The following BBS9 variants were observed in gnomAD, a reference collection of about 807,000 sequenced individuals.
BBS9 encodes protein PTHB1.
BBS9 carries 89 observed loss-of-function variants against 117.7 expected under a neutral mutation model. The ratio of observed to expected loss-of-function variants is 0.76; its 90% CI spans 0.64 to 0.90. BBS9 has a LOEUF of 0.90. Ranked by LOEUF, BBS9 falls within the 40% of genes least tolerant of loss-of-function variation. BBS9 has a pLI of 0.00. For missense variants in BBS9, 982 were observed against 1,042.2 expected, an observed-to-expected ratio of 0.94 and a Z score of 0.80; for synonymous variants, 379 against 370.9, an observed-to-expected ratio of 1.02 and a Z score of -0.25.
intron 20 of BBS9, among the ~76,000 whole-genome samples, chr7:33,513,053 G>T (rs943612888): frequency 1.3e-5 from 2 of 152,134 alleles, no homozygotes; most frequent in African/African-American, 4.8e-5. Context: ...TTGAACTCCA[G>T]TGCCAGGCAT....
intron 5 of BBS9, among the ~76,000 whole-genome samples, chr7:33,222,982 T>C (rs1161796723): frequency 6.6e-6 from 1 of 151,356 alleles, no homozygotes; most frequent in African/African-American, 2.4e-5. Context: ...TAAAAATTCC[T>C]AGTGGCTCCC....
chr7:33,489,524 G>A (rs1157943485), intron 19 of BBS9, among the ~76,000 whole-genome samples: 1 of 151,910 alleles, frequency 6.6e-6, no homozygotes, highest in Non-Finnish European at 1.5e-5. Flanking sequence ...TAAACTAAGA[G>A]GAGACTGCTC....
At chr7:33,325,533 C>T (rs1006296685) in intron 9 of BBS9, among the ~76,000 whole-genome samples, 14 of 152,112 alleles carry the variant, frequency 9.2e-5, no homozygotes, top group Non-Finnish European at 1.5e-4. Context: ...AGCCTGGGTG[C>T]TTGTGGATAT....
At chr7:33,243,593 C>T (rs1794880349) in intron 5 of BBS9, among the ~76,000 whole-genome samples, 1 of 152,122 alleles carries the variant, frequency 6.6e-6, no homozygotes, top group South Asian at 2.1e-4. Flanking sequence ...TGTCTGTTTC[C>T]TCACCTAGGC....
At chr7:33,380,560 C>T (rs1242138819) in intron 17 of BBS9, 1 of 152,298 alleles carries the variant, frequency 6.6e-6, no homozygotes, top group African/African-American at 2.4e-5. Flanking sequence ...ATGGGGGACA[C>T]CACACTCACT....
chr7:33,256,822 C>T (rs942788490), intron 5 of BBS9, among the ~76,000 whole-genome samples: 6 of 152,086 alleles, frequency 3.9e-5, no homozygotes, highest in African/African-American at 1.2e-4. Flanking sequence ...ACACTAATCA[C>T]ACTAGCAGGA....
At chr7:33,286,666 A>T (rs1364151515) in intron 9 of BBS9, among the ~76,000 whole-genome samples, 1 of 152,094 alleles carries the variant, frequency 6.6e-6, no homozygotes, top group Non-Finnish European at 1.5e-5. Context: ...TATAAAAGAG[A>T]AAAAGTGATT....
At chr7:33,587,328 A>G (rs1055938677) in intron 21 of BBS9, among the ~76,000 whole-genome samples, 1 of 152,062 alleles carries the variant, frequency 6.6e-6, no homozygotes, top group Non-Finnish European at 1.5e-5. Flanking sequence ...GTGTTTCCAC[A>G]GAGCTGCTTC....
chr7:33,563,124 G>T (rs1856341249), intron 21 of BBS9, among the ~76,000 whole-genome samples: 1 of 152,132 alleles, frequency 6.6e-6, no homozygotes, highest in Non-Finnish European at 1.5e-5. Flanking sequence ...TAAATCAGAA[G>T]TACTGTCAAA....
chr7:33,153,485 C>T (rs1190114484), intron 3 of BBS9, among the ~76,000 whole-genome samples: 1 of 152,196 alleles, frequency 6.6e-6, no homozygotes, highest in African/African-American at 2.4e-5. Flanking sequence ...TGTATTTCTT[C>T]ATCATTTAGA....
intron 21 of BBS9, among the ~76,000 whole-genome samples, chr7:33,542,229 C>T (rs770695758): frequency 2.6e-5 from 4 of 151,988 alleles, no homozygotes; most frequent in Admixed American, 6.6e-5. Context: ...GGATTACAGG[C>T]GTGTGCCACC....
chr7:33,507,306 T>A (rs1477825605), intron 20 of BBS9, among the ~76,000 whole-genome samples: 1 of 152,190 alleles, frequency 6.6e-6, no homozygotes, highest in African/African-American at 2.4e-5. Flanking sequence ...AATGGTGTGA[T>A]CTCAGCTCAC....
chr7:33,199,788 T>C (rs764959364), intron 5 of BBS9, among the ~76,000 whole-genome samples: 5 of 151,792 alleles, frequency 3.3e-5, no homozygotes, highest in Non-Finnish European at 5.9e-5. Flanking sequence ...AACGAGATCT[T>C]AGAAGGAGAG....
Position 33,613,901 on chromosome 7 carries a change from G to A in BBS9, c.2522-21276G>A, listed in dbSNP as rs970416753. Among the ~76,000 whole-genome samples, 20 of 152,010 alleles carry A rather than the reference G, an allele frequency of 1.3e-4. No individual in the cohort carries two copies. In the East Asian group the frequency reaches 3.9e-3, roughly 29 times the overall value. ...TAGTCTAGAGTAAAGTGTTTCTCAG[G>A]CTTTGAAGACTTATGTCCTAATTTA... On this transcript the variant is annotated intron_variant, in intron 21 of 21. Coordinates refer to the BBS9 transcript ENST00000671952.
intron 19 of BBS9, among the ~76,000 whole-genome samples, chr7:33,438,345 A>G (rs192914086): frequency 1.7e-3 from 261 of 152,342 alleles, no homozygotes; most frequent in African/African-American, 6.0e-3. Context: ...ATTTGACTAA[A>G]TTGAAATATA....
chr7:33,547,356 C>T (rs117331756), intron 21 of BBS9, among the ~76,000 whole-genome samples: 130 of 152,192 alleles, frequency 8.5e-4, no homozygotes, highest in African/African-American at 2.8e-3. Flanking sequence ...CATTTAAAGA[C>T]GTTTGAAGTT....
intron 4 of BBS9, among the ~76,000 whole-genome samples, chr7:33,171,903 G>T (rs554046212): frequency 6.6e-6 from 1 of 152,034 alleles, no homozygotes; most frequent in African/African-American, 2.4e-5. Flanking sequence ...GGCTTATGAA[G>T]GTCAAGGCCT....
At position 33,263,454 on chromosome 7, in the gene BBS9, C is replaced by A. The variant is rs944256576; in HGVS notation, c.618-836C>A. ...GTAGGATTATTCTTCTAAAAATATG[C>A]CATTAATTAATGAGAAATATAGAAA... On this transcript the variant is annotated intron_variant, in intron 6 of 22. Coordinates refer to ENST00000242067, the MANE Select transcript of BBS9 (RefSeq NM_198428.3). Among the ~76,000 whole-genome samples, 14 of 151,774 alleles carry A rather than the reference C, an allele frequency of 9.2e-5. No individual in the cohort carries two copies. The East Asian group carries it at 9.7e-4, about 10-fold the overall frequency.
At chr7:33,168,454 A>G (rs1358663701) in intron 4 of BBS9, among the ~76,000 whole-genome samples, 3 of 152,114 alleles carry the variant, frequency 2.0e-5, no homozygotes, top group Non-Finnish European at 2.9e-5. Flanking sequence ...TCCTTTTTGC[A>G]GTTTACTCAA....
Sources: allele counts gnomAD v4.1 joint callset (sites outside exome capture counted in the v4.1 genomes callset), GRCh38; gene constraint gnomAD v4.1.1; transcripts MANE v1.5; gene names NCBI Gene and HGNC (gene_info 2026-07-23, HGNC 2026-07-21).